SGSM1: variants seen among roughly 807,000 people sequenced by gnomAD.
The protein encoded by SGSM1 is small G protein signaling modulator 1.
In SGSM1, 73 loss-of-function variants were observed where a neutral mutation model predicts 133.8. That is an observed-to-expected ratio of 0.55 (90% CI 0.45 to 0.66). The LOEUF (loss-of-function observed/expected upper bound fraction) is 0.66. Among genes scored for constraint, SGSM1 ranks in the 30% least tolerant of loss-of-function variants. The pLI, the probability that SGSM1 is intolerant of heterozygous loss-of-function variation, is 0.00. For missense variants in SGSM1, 1,213 were observed against 1,448.1 expected (o/e 0.84, Z 2.64); for synonymous variants, 563 against 573.0 (o/e 0.98, Z 0.25).
chr22:24,895,275 C>T lies in SGSM1; in HGVS notation c.2006C>T (p.Ser669Phe), dbSNP rs762948223. ...GRQNIRLHSDSSSSTQVFESV... is the reference protein window; with the variant it reads ...GRQNIRLHSDFSSSTQVFESV... ...CAGAACATCCGCCTGCACAGCGACT[C>T]CAGCAGCAGCACACAGGTGACCTTG... Residue 669 changes from serine to phenylalanine, a missense_variant, in exon 18 of 25, where the codon TCC becomes TTC. Physicochemically the swap from Ser to Phe is radical, Grantham distance 155. Coordinates refer to ENST00000400358, the MANE Select transcript of SGSM1 (RefSeq NM_001098497.3). 8.1e-6 allele frequency: 13 copies of T among 1,611,778 alleles called. No homozygotes were observed. The Admixed American group carries it at 2.0e-4, about 25-fold the overall frequency.
intron 2 of SGSM1, among the ~76,000 whole-genome samples, chr22:24,837,018 C>G (rs1929466542): frequency 6.6e-6 from 1 of 152,190 alleles, no homozygotes; most frequent in Non-Finnish European, 1.5e-5. Flanking sequence ...GGACCAGCCC[C>G]ACAGGGTCGG....
chr22:24,854,856 A>G (rs755277785), intron 5 of SGSM1, 140 bp from the exon 6 acceptor site: 27 of 640,342 alleles, frequency 4.2e-5, no homozygotes, highest in Non-Finnish European at 7.3e-5. Context: ...GAGCTATATT[A>G]TTATTATCCC....
At position 24,850,579 on chromosome 22, in the gene SGSM1, T is replaced by C. The variant is rs557972782; in HGVS notation, c.455+147T>C. 25 of 1,201,430 alleles carry C rather than the reference T, an allele frequency of 2.1e-5. No homozygotes were observed. The East Asian group carries it at 3.3e-4, about 16-fold the overall frequency. 74.4% of individuals were successfully genotyped at this position (1,201,430 alleles called of 1,614,324 possible). On this transcript the variant is annotated intron_variant, in intron 5 of 24. Coordinates refer to ENST00000400358, the MANE Select transcript of SGSM1 (RefSeq NM_001098497.3). ...GTGATTAAATGCTTGGAAACTTGGG[T>C]AGATTCAAGAGCTTAATGGCAGTGC... is the stretch of plus-strand genomic sequence containing the variant.
chr22:24,924,586 C>G lies in SGSM1; in HGVS notation c.*312C>G, dbSNP rs924193125. 2.5e-6 allele frequency: 1 copy of G among 403,836 alleles called. No individual in the cohort carries two copies. The highest frequency in any genetic ancestry group is 4.6e-6 in the Non-Finnish European group (1 of 217,926). The allele number at this position is 403,836 out of a possible 1,614,324, so 25.0% of individuals were successfully genotyped here. ...TTTGTTTGCTGGTGCCCGGAATGGT[C>G]TCCTCTTCTTCTTTCCCTATCCCTC... On this transcript the variant is annotated 3_prime_UTR_variant, in exon 25 of 25. Coordinates refer to ENST00000400358, the MANE Select transcript of SGSM1 (RefSeq NM_001098497.3).
intron 19 of SGSM1, among the ~76,000 whole-genome samples, chr22:24,900,340 CTTCTTTCTTTCT>C (rs201367603): frequency 0.075 from 9,470 of 125,762 alleles, 396 homozygotes; most frequent in South Asian, 0.11. Flanking sequence ...TTGTTAACCT[CTTCTTTCTTTCT>C]TTCTTTCTTT....
rs1288712664 is a variant in SGSM1, at chr22:24,855,346, C to G, written c.585C>G (p.Pro195=). Residue 195 remains proline (P), a synonymous_variant, in exon 7 of 25, where the codon CCC becomes CCG. Transcript: ENST00000400358. ...CTGCAGATCACTTCTGGACCGATCCCTCGGCTGACGAACTTGTCCAGAGGC... is the reference window on the plus strand; with the variant it reads ...CTGCAGATCACTTCTGGACCGATCCGTCGGCTGACGAACTTGTCCAGAGGC... ...MKTADHFWTD[P]SADELVQRHR... The G allele has an allele frequency of 2.5e-6, 4 of 1,613,362 alleles. No individual in the cohort carries two copies. Among genetic ancestry groups the G allele is most frequent in the Non-Finnish European group, 3.4e-6 (4 of 1,179,702 alleles).
chr22:24,875,077 G>C (rs139715), intron 12 of SGSM1, among the ~76,000 whole-genome samples: 133,570 of 152,180 alleles, frequency 0.88, 58,908 homozygotes, highest in Admixed American at 0.91. Flanking sequence ...GGCAAGAGGA[G>C]CAGTTCCACA....
intron 13 of SGSM1, among the ~76,000 whole-genome samples, chr22:24,876,967 C>T (rs949420825): frequency 6.6e-6 from 1 of 152,192 alleles, no homozygotes; most frequent in African/African-American, 2.4e-5. Flanking sequence ...GTTTATTTAT[C>T]ATGCATGCTG....
intron 2 of SGSM1, among the ~76,000 whole-genome samples, chr22:24,821,181 C>T (rs1260273683): frequency 6.6e-6 from 1 of 152,196 alleles, no homozygotes; most frequent in South Asian, 2.1e-4. Flanking sequence ...GGATGACAGG[C>T]GCCCGCCATC....
Position 24,909,877 on chromosome 22 carries a change from A to G in SGSM1, c.2819-2766A>G, listed in dbSNP as rs575961442. Among the ~76,000 whole-genome samples the G allele has an allele frequency of 2.0e-5, 3 of 152,360 alleles. No homozygotes were observed. In the South Asian group the frequency reaches 6.2e-4, roughly 32 times the overall value. ...AAGAGAATTGAAAATATATGTGCAT[A>G]CAAATACCTGTACATATATGTTCAT... On this transcript the variant is annotated intron_variant, in intron 21 of 24. Transcript: ENST00000400358.
chr22:24,812,291 C>T (rs912319482), intron 2 of SGSM1, among the ~76,000 whole-genome samples: 3 of 152,198 alleles, frequency 2.0e-5, no homozygotes, highest in Non-Finnish European at 4.4e-5. Context: ...GCATTATCCC[C>T]TTCACTCCTC....
intron 18 of SGSM1, among the ~76,000 whole-genome samples, chr22:24,895,952 G>C (rs1932904673): frequency 6.6e-6 from 1 of 152,134 alleles, no homozygotes; most frequent in Non-Finnish European, 1.5e-5. Flanking sequence ...CGGAGGCTAA[G>C]GTGGGAGAAT....
rs1351777811 is a variant in SGSM1, at chr22:24,924,288, C to T, written c.*14C>T. The T allele has an allele frequency of 1.9e-6, 3 of 1,609,730 alleles. No homozygotes were observed. The Admixed American group carries it at 5.0e-5, about 27-fold the overall frequency. On this transcript the variant is annotated 3_prime_UTR_variant, in exon 25 of 25. Coordinates refer to ENST00000400358, the MANE Select transcript of SGSM1 (RefSeq NM_001098497.3). ...GAGAACAAGTGAGGGGCACCTCACC[C>T]CGGCAGCCTCAGCCAAGCTGCCCCT...
At chr22:24,908,170 A>G (rs1933474461) in intron 21 of SGSM1, among the ~76,000 whole-genome samples, 1 of 152,118 alleles carries the variant, frequency 6.6e-6, no homozygotes, top group South Asian at 2.1e-4. Flanking sequence ...GACATATGCA[A>G]AAGATTGAAG....
Position 24,927,266 on chromosome 22 carries a change from C to T in SGSM1, c.*2992C>T, listed in dbSNP as rs1338615497. 1 of 152,186 alleles carries T rather than the reference C, an allele frequency of 6.6e-6. No homozygotes were observed. Among genetic ancestry groups the T allele is most frequent in the Non-Finnish European group, 1.5e-5 (1 of 68,058 alleles). 9.4% of individuals were successfully genotyped at this position (152,186 alleles called of 1,614,324 possible). On this transcript the variant is annotated 3_prime_UTR_variant, in exon 25 of 25. Transcript: ENST00000400358. Reference sequence around the variant, plus strand: ...AACTGGATTCCGTATCTTGCATCCTCCAGCAGGCTAGCTTAGGCTTGTTTA... The same window carrying T: ...AACTGGATTCCGTATCTTGCATCCTTCAGCAGGCTAGCTTAGGCTTGTTTA...
rs575685020 is a variant in SGSM1 at position 24,898,766 on chromosome 22, A to G, written c.2610+207A>G. Reference sequence around the variant, plus strand: ...AGGGGGGCTGGGCACTGTGGCTCACACCTGTAATCCCAGCACTTTGGGAGG... The same window carrying G: ...AGGGGGGCTGGGCACTGTGGCTCACGCCTGTAATCCCAGCACTTTGGGAGG... On this transcript the variant is annotated intron_variant, in intron 19 of 24. Transcript: ENST00000400358. Among the ~76,000 whole-genome samples the G allele has an allele frequency of 9.9e-5, 15 of 152,204 alleles. No homozygotes were observed. The East Asian group carries it at 1.2e-3, about 12-fold the overall frequency.
intron 12 of SGSM1, among the ~76,000 whole-genome samples, chr22:24,873,723 C>T (rs921566758): frequency 1.1e-4 from 16 of 152,104 alleles, no homozygotes; most frequent in Non-Finnish European, 2.2e-4. Context: ...CATGCTGGCA[C>T]GTGCGTGTAG....
chr22:24,818,607 T>C (rs2147789917), intron 2 of SGSM1, among the ~76,000 whole-genome samples: 1 of 151,932 alleles, frequency 6.6e-6, no homozygotes, highest in Admixed American at 6.5e-5. Context: ...CCTCAGATGA[T>C]CCACCTGCCT....
chr22:24,871,081 A>C (rs1931742618), intron 12 of SGSM1, among the ~76,000 whole-genome samples: 1 of 152,138 alleles, frequency 6.6e-6, no homozygotes, highest in African/African-American at 2.4e-5. Flanking sequence ...GGATGGAATA[A>C]TTCTTTGTTG....
Sources: allele counts gnomAD v4.1 joint callset (sites outside exome capture counted in the v4.1 genomes callset), GRCh38; gene constraint gnomAD v4.1.1; transcripts MANE v1.5; gene names NCBI Gene and HGNC (gene_info 2026-07-23, HGNC 2026-07-21).